Variants in FRMD6 observed in about 807,000 individuals in gnomAD.
FRMD6 encodes the protein FERM domain-containing protein 6.
In FRMD6, 37 loss-of-function variants were observed where a neutral mutation model predicts 73.2. The observed-to-expected ratio is 0.51, with a 90% confidence interval of 0.39 to 0.66. The LOEUF is 0.66. Among genes scored for constraint, FRMD6 ranks in the 30% least tolerant of loss-of-function variants. The probability of loss-of-function intolerance (pLI) is 0.00; values close to 1 mark genes in which losing one functional copy is unlikely to be tolerated. For missense variants in FRMD6, 714 were observed against 780.5 expected (o/e 0.91, Z 1.02); for synonymous variants, 273 against 282.2 (o/e 0.97, Z 0.33).
At chr14:51,693,956 A>G (rs1428205938) in intron 2 of FRMD6, among the ~76,000 whole-genome samples, 2 of 152,182 alleles carry the variant, frequency 1.3e-5, no homozygotes, top group Non-Finnish European at 2.9e-5. Flanking sequence ...GTGTTCAGAA[A>G]ATAGCAGTCA....
the FRMD6 span, among the ~76,000 whole-genome samples, chr14:51,397,714 G>A: frequency 4.5e-4 from 69 of 152,188 alleles, no homozygotes; most frequent in African/African-American, 1.6e-3. Flanking sequence ...CTGACATCGC[G>A]CCACATGTAG....
the FRMD6 span, among the ~76,000 whole-genome samples, chr14:51,467,849 G>A: frequency 2.6e-5 from 4 of 152,070 alleles, no homozygotes; most frequent in Non-Finnish European, 4.4e-5. Context: ...CCAGACGATG[G>A]GCGGCTGGGC....
chr14:51,580,025 G>A (rs1467082459), intron 2 of FRMD6, among the ~76,000 whole-genome samples: 4 of 152,146 alleles, frequency 2.6e-5, no homozygotes, highest in Non-Finnish European at 5.9e-5. Flanking sequence ...TGTTTGAATG[G>A]ACTAGACTGG....
chr14:51,505,627 A>T (rs950202453), intron 1 of FRMD6, among the ~76,000 whole-genome samples: 3 of 152,184 alleles, frequency 2.0e-5, no homozygotes, highest in Admixed American at 2.0e-4. Context: ...ATCCATATTT[A>T]TAATTTCCCT....
At chr14:51,599,346 A>T (rs181326393) in intron 2 of FRMD6, among the ~76,000 whole-genome samples, 12 of 152,270 alleles carry the variant, frequency 7.9e-5, no homozygotes, top group African/African-American at 2.6e-4. Context: ...TTAACTCAAG[A>T]TGGATTAAAG....
At chr14:51,596,729 C>T (rs112190974) in intron 2 of FRMD6, among the ~76,000 whole-genome samples, 15 of 152,260 alleles carry the variant, frequency 9.9e-5, no homozygotes, top group African/African-American at 3.6e-4. Flanking sequence ...GTGAGAGTTA[C>T]TCTGAGCAGA....
intron 1 of FRMD6, among the ~76,000 whole-genome samples, chr14:51,557,181 A>C (rs1887180320): frequency 6.6e-6 from 1 of 152,086 alleles, no homozygotes; most frequent in South Asian, 2.1e-4. Context: ...CAAATGAAGC[A>C]TTATCCACAA....
chr14:51,558,196 C>T (rs1290149119), intron 1 of FRMD6, among the ~76,000 whole-genome samples: 5 of 152,092 alleles, frequency 3.3e-5, no homozygotes, highest in Non-Finnish European at 5.9e-5. Flanking sequence ...AGGCCGGGCA[C>T]GATGGCTCAC....
chr14:51,686,573 TAAAG>T lies in FRMD6; in HGVS notation c.-146-3116_-146-3113del. ...TTTTTGTAAGTTGGATATTAATAAA[TAAAG>T]AGGCTGGGTGGGGTTTGATCACTAT... On this transcript the variant is annotated intron_variant, in intron 1 of 13. Coordinates refer to ENST00000344768, the MANE Select transcript of FRMD6 (RefSeq NM_001267046.2). Among the ~76,000 whole-genome samples the T allele has an allele frequency of 2.0e-5, 3 of 152,198 alleles. 1 individual carries two copies. Among genetic ancestry groups the T allele is most frequent in the Non-Finnish European group, 4.4e-5 (3 of 67,972 alleles).
At chr14:51,542,667 A>G (rs1596563580) in intron 1 of FRMD6, among the ~76,000 whole-genome samples, 1 of 143,364 alleles carries the variant, frequency 7.0e-6, no homozygotes, top group Admixed American at 7.8e-5. Context: ...TGGTAATTCT[A>G]TGTTTACCTT....
the FRMD6 span, among the ~76,000 whole-genome samples, chr14:51,451,332 C>T: frequency 6.6e-6 from 1 of 152,172 alleles, no homozygotes; most frequent in African/African-American, 2.4e-5. Flanking sequence ...TCATGAAGGG[C>T]TTTGTGCCAT....
intron 1 of FRMD6, among the ~76,000 whole-genome samples, chr14:51,497,461 T>C (rs1883371630): frequency 1.3e-5 from 2 of 152,168 alleles, no homozygotes; most frequent in Admixed American, 1.3e-4. Flanking sequence ...CCCATAATTC[T>C]TTCTGGGACA....
At chr14:51,623,727 T>C (rs1891018209) in intron 2 of FRMD6, among the ~76,000 whole-genome samples, 1 of 152,180 alleles carries the variant, frequency 6.6e-6, no homozygotes, top group African/African-American at 2.4e-5. Context: ...CTCTACCATG[T>C]GTTAGTGAGT....
At chr14:51,598,887 T>A (rs1889864277) in intron 2 of FRMD6, among the ~76,000 whole-genome samples, 1 of 152,074 alleles carries the variant, frequency 6.6e-6, no homozygotes, top group Non-Finnish European at 1.5e-5. Flanking sequence ...GTAAAATGAT[T>A]TATTTTCTTT....
the FRMD6 span, among the ~76,000 whole-genome samples, chr14:51,433,330 T>G: frequency 6.6e-6 from 1 of 152,166 alleles, no homozygotes. Flanking sequence ...AAACCATGGT[T>G]CATTTATACA....
At chr14:51,411,571 T>G in the FRMD6 span, among the ~76,000 whole-genome samples, 295 of 152,332 alleles carry the variant, frequency 1.9e-3, 2 homozygotes, top group African/African-American at 6.8e-3. Context: ...TTCTGTTATA[T>G]TCGATTTCCC....
intron 9 of FRMD6, among the ~76,000 whole-genome samples, chr14:51,713,269 C>T (rs1186610967): frequency 6.6e-6 from 1 of 151,998 alleles, no homozygotes; most frequent in Non-Finnish European, 1.5e-5. Flanking sequence ...ACCAGTCTGG[C>T]CAACATGGTG....
intron 1 of FRMD6, among the ~76,000 whole-genome samples, chr14:51,688,147 T>C (rs1895298046): frequency 6.6e-6 from 1 of 152,030 alleles, no homozygotes. Flanking sequence ...ATGAGTAGCT[T>C]GGGGCATAGT....
intron 1 of FRMD6, among the ~76,000 whole-genome samples, chr14:51,510,339 G>T (rs933075467): frequency 1.3e-5 from 2 of 152,278 alleles, no homozygotes; most frequent in South Asian, 4.1e-4. Flanking sequence ...TGACTCTAAG[G>T]CCCCGTTTAC....
Sources: allele counts gnomAD v4.1 joint callset (sites outside exome capture counted in the v4.1 genomes callset), GRCh38; gene constraint gnomAD v4.1.1; transcripts MANE v1.5; gene names NCBI Gene and HGNC (gene_info 2026-07-23, HGNC 2026-07-21).